The following SCN9A variants were observed in gnomAD, a reference collection of about 807,000 sequenced individuals.
SCN9A encodes the protein sodium voltage-gated channel alpha subunit 9.
Under a neutral mutation model 187.0 loss-of-function variants are expected in SCN9A, and 131 were observed. That is an observed-to-expected ratio of 0.70 (90% confidence interval 0.61 to 0.81). The LOEUF is 0.81. Among genes scored for constraint, SCN9A ranks in the 30% least tolerant of loss-of-function variants. The probability of loss-of-function intolerance (pLI) is 0.00; values close to 1 mark genes in which losing one functional copy is unlikely to be tolerated. For synonymous variants in SCN9A, 809 were observed against 808.6 expected (o/e 1.00, Z -0.01); for missense variants, 2,252 against 2,396.6 (o/e 0.94, Z 1.26).
intron 18 of SCN9A, among the ~76,000 whole-genome samples, chr2:166,246,405 T>C (rs1695790466): frequency 6.6e-6 from 1 of 151,994 alleles, no homozygotes; most frequent in Non-Finnish European, 1.5e-5. Flanking sequence ...AGATCTGAAA[T>C]TATGTATCAT....
At chr2:166,231,831 G>A (rs1695099909) in intron 21 of SCN9A, among the ~76,000 whole-genome samples, 1 of 152,054 alleles carries the variant, frequency 6.6e-6, no homozygotes, top group African/African-American at 2.4e-5. Context: ...AATGCTAATA[G>A]CTGGTCAGTA....
chr2:166,207,428 T>TTTGTTGTTGTTGTTGTTGTTG (rs61122536), intron 24 of SCN9A, among the ~76,000 whole-genome samples: 3 of 150,170 alleles, frequency 2.0e-5, no homozygotes, highest in South Asian at 4.3e-4. Context: ...TTAGAGTGTT[T>TTTGTTGTTGTTGTTGTTGTTG]TTGTTGTTGT....
chr2:166,351,129 G>T (rs1018817400), intron 1 of SCN9A, among the ~76,000 whole-genome samples: 1 of 152,000 alleles, frequency 6.6e-6, no homozygotes, highest in African/African-American at 2.4e-5. Context: ...CGACACAAAG[G>T]CTTCCAAGGG....
chr2:166,204,092 A>G lies in SCN9A; in HGVS notation c.4637T>C (p.Val1546Ala). The part of the protein sequence containing the change: ...KEGQSQHMTE[V>A]LYWINVVFII... ...AAAAACCACATTTATCCAATATAAA[A>G]CTTCAGTCATATGTTGACTTTGACC... The change falls in exon 26 of 27, where the codon GTT becomes GCT. Residue 1546 changes from valine to alanine, a missense_variant. Val to Ala is a moderately conservative substitution (Grantham distance 64). Transcript: ENST00000642356. 1 of 1,612,796 alleles carries G rather than the reference A, an allele frequency of 6.2e-7. No individual in the cohort carries two copies. The highest frequency in any genetic ancestry group is 8.5e-7 in the Non-Finnish European group (1 of 1,179,174).
intron 1 of SCN9A, among the ~76,000 whole-genome samples, chr2:166,324,088 A>G (rs1273721545): frequency 2.6e-5 from 4 of 151,828 alleles, no homozygotes; most frequent in Non-Finnish European, 5.9e-5. Context: ...TTTGCATTCC[A>G]TCACTGAGCC....
At chr2:166,358,114 G>C (rs913032585) in intron 1 of SCN9A, among the ~76,000 whole-genome samples, 2 of 150,938 alleles carry the variant, frequency 1.3e-5, no homozygotes, top group Non-Finnish European at 2.9e-5. Flanking sequence ...TCATTGCCCA[G>C]GCTGGAGTGC....
At chr2:166,279,050 A>C (rs143247817) in intron 14 of SCN9A, among the ~76,000 whole-genome samples, 61 of 152,238 alleles carry the variant, frequency 4.0e-4, no homozygotes, top group African/African-American at 1.5e-3. Context: ...GAGCAGCTGG[A>C]CTTGAGGTTG....
chr2:166,219,361 T>C (rs1041917663), intron 24 of SCN9A, among the ~76,000 whole-genome samples: 2 of 151,986 alleles, frequency 1.3e-5, no homozygotes, highest in Non-Finnish European at 2.9e-5. Flanking sequence ...ATGTGGTAAA[T>C]ATATACCATA....
In SCN9A at chr2:166,284,473, T is replaced by G. The variant is rs1376476211; in HGVS notation, c.1954A>C (p.Lys652Gln). Reference protein sequence around the residue: ...GQLLPEVIIDKATSDDSGTTN... With the variant: ...GQLLPEVIIDQATSDDSGTTN... ...CTTACGCTGTCATCAGAAGTTGCCT[T>G]ATCTATTATCACCTCTGGCAGAAGC... Residue 652 changes from lysine to glutamine, a missense_variant, in exon 12 of 27, where the codon AAG becomes CAG. Physicochemically the swap from Lys to Gln is moderately conservative, Grantham distance 53 (BLOSUM62 1). Coordinates refer to ENST00000642356, the MANE Select transcript of SCN9A (RefSeq NM_001365536.1). 1 of 1,613,544 alleles carries G rather than the reference T, an allele frequency of 6.2e-7. No homozygotes were observed. Among genetic ancestry groups the G allele is most frequent in the Non-Finnish European group, 8.5e-7 (1 of 1,179,768 alleles).
chr2:166,337,474 G>C (rs1699657354), intron 1 of SCN9A, among the ~76,000 whole-genome samples: 1 of 152,070 alleles, frequency 6.6e-6, no homozygotes, highest in Admixed American at 6.6e-5. Flanking sequence ...AGAGTATTTT[G>C]ACATTGCCCA....
Position 166,340,541 on chromosome 2 carries a change from C to CTTTCTTTCTTT in SCN9A, c.-50-28736_-50-28735insAAAGAAAGAAA, listed in dbSNP as rs1559050847. On this transcript the variant is annotated intron_variant, in intron 1 of 26. Transcript: ENST00000642356. ...TTCCCTCTCTCCTTTCTTTTCTTTC[C>CTTTCTTTCTTT]CTTTCTTTCTTTCTTTCTTTCTTTC... Among the ~76,000 whole-genome samples the CTTTCTTTCTTT allele has an allele frequency of 5.6e-3, 382 of 67,850 alleles. 18 individuals carry two copies. The highest frequency in any genetic ancestry group is 6.4e-3 in the Non-Finnish European group (249 of 38,758). The allele number at this position is 67,850 out of a possible 152,430, so 44.5% of individuals were successfully genotyped here.
rs111520041 is a variant in SCN9A at position 166,203,921 on chromosome 2, C to A, written c.4774+34G>T. On this transcript the variant is annotated intron_variant, in intron 26 of 26. Transcript: ENST00000642356. Reference sequence around the variant, plus strand: ...AGCATAAGTGAAGTTTAGCTTTACTCAAAAAATAAAATCTGAAAAATAAAT... The same window carrying A: ...AGCATAAGTGAAGTTTAGCTTTACTAAAAAAATAAAATCTGAAAAATAAAT... 547 of 1,359,036 alleles carry A rather than the reference C, an allele frequency of 4.0e-4. 3 individuals carry two copies. In the African/African-American group the frequency reaches 7.3e-3, roughly 18 times the overall value. The allele number at this position is 1,359,036 out of a possible 1,614,324, so 84.2% of individuals were successfully genotyped here.
intron 5 of SCN9A, 30 bp downstream of exon 5, chr2:166,305,762 T>G: frequency 6.2e-7 from 1 of 1,613,050 alleles, no homozygotes; most frequent in Non-Finnish European, 8.5e-7. Context: ...TTTCATAAAT[T>G]TGCCGTTTCA....
At chr2:166,209,113 A>C (rs1693958024) in intron 24 of SCN9A, among the ~76,000 whole-genome samples, 1 of 152,328 alleles carries the variant, frequency 6.6e-6, no homozygotes, top group Middle Eastern at 3.4e-3. Flanking sequence ...AGAGACTCTC[A>C]GTATCTCTAG....
chr2:166,278,369 A>G (rs962879786), intron 14 of SCN9A, 56 bp from the exon 15 acceptor site: 22 of 1,344,134 alleles, frequency 1.6e-5, no homozygotes, highest in Non-Finnish European at 2.2e-5. Context: ...AAATCAACAC[A>G]ATGATAATAA....
Position 166,366,935 on chromosome 2 carries a change from C to T in SCN9A, c.-51+8762G>A, listed in dbSNP as rs1012133224. On this transcript the variant is annotated intron_variant, in intron 1 of 26. Transcript: ENST00000642356. ...TAGTTTTCCAAAACTGTTTTAAAAC[C>T]CTTAAAAGTCAACTTCTTGCATTAC... Among the ~76,000 whole-genome samples the T allele has an allele frequency of 1.3e-5, 2 of 151,920 alleles. 1 individual carries two copies. Among genetic ancestry groups the T allele is most frequent in the Non-Finnish European group, 2.9e-5 (2 of 67,980 alleles).
rs755734799 is a variant in SCN9A at position 166,284,780 on chromosome 2, G to A, written c.1647C>T (p.Ser549=). 2 of 1,613,080 alleles carry A rather than the reference G, an allele frequency of 1.2e-6. No individual in the cohort carries two copies. The highest frequency in any genetic ancestry group is 1.7e-6 in the Non-Finnish European group (2 of 1,179,758). The part of the protein sequence containing the change: ...IRGSLFSARR[S]SRTSLFSFKG... ...TGAAACTAAAAAGACTTGTTCTGCT[G>A]CTTCGCCTTGCAGAAAACAAGGAGC... The change falls in exon 12 of 27, where the codon AGC becomes AGT. Residue 549 remains serine, a synonymous_variant. Transcript: ENST00000642356.
chr2:166,205,506 T>C (rs1693755211), intron 24 of SCN9A, among the ~76,000 whole-genome samples: 1 of 152,116 alleles, frequency 6.6e-6, no homozygotes, highest in African/African-American at 2.4e-5. Flanking sequence ...TGTACAAAAA[T>C]TAACTCAAGA....
chr2:166,355,703 CT>C (rs1345761461), intron 1 of SCN9A, among the ~76,000 whole-genome samples: 1 of 151,570 alleles, frequency 6.6e-6, no homozygotes, highest in Non-Finnish European at 1.5e-5. Flanking sequence ...AAATATTTAC[CT>C]TTTTGTGCAT....
Sources: allele counts gnomAD v4.1 joint callset (sites outside exome capture counted in the v4.1 genomes callset), GRCh38; gene constraint gnomAD v4.1.1; transcripts MANE v1.5; gene names NCBI Gene and HGNC (gene_info 2026-07-23, HGNC 2026-07-21).